Variants in RALA observed in about 807,000 individuals in gnomAD.
The protein encoded by RALA is RAS like proto-oncogene A.
RALA carries 5 observed loss-of-function variants against 24.0 expected under a neutral mutation model. That is an observed-to-expected ratio of 0.21 (90% CI 0.11 to 0.44). The LOEUF is 0.44. RALA is among the 20% of genes least tolerant of loss of function. RALA has a pLI of 0.99. For synonymous variants in RALA, 77 were observed against 83.8 expected (o/e 0.92, Z 0.44); for missense variants, 95 against 241.2 (o/e 0.39, Z 4.01).
rs1007232122 is a variant in RALA, at chr7:39,706,547, G to A, written c.*302G>A. 5 of 209,548 alleles carry A rather than the reference G, an allele frequency of 2.4e-5. No homozygotes were observed. Among genetic ancestry groups the A allele is most frequent in the African/African-American group, 1.2e-4 (5 of 43,010 alleles). The allele number at this position is 209,548 out of a possible 1,614,324, so 13.0% of individuals were successfully genotyped here. ...TCTTGAAATTGAAGAGGTGAAATGG[G>A]GGTGGGGAGTGGGAGGAAAGGTGAC... On this transcript the variant is annotated 3_prime_UTR_variant, in exon 5 of 5. Transcript: ENST00000005257.
intron 1 of RALA, among the ~76,000 whole-genome samples, chr7:39,633,995 G>A (rs1791643837): frequency 6.6e-6 from 1 of 151,860 alleles, no homozygotes; most frequent in Non-Finnish European, 1.5e-5. Context: ...AGGTCCCTGT[G>A]TGAACTCTCA....
chr7:39,682,478 C>T (rs974957362), intron 1 of RALA, among the ~76,000 whole-genome samples: 3 of 152,216 alleles, frequency 2.0e-5, no homozygotes, highest in Non-Finnish European at 4.4e-5. Flanking sequence ...CTTAAAAACT[C>T]CAGAGGCTTC....
rs762644471 is a variant in RALA at position 39,706,206 on chromosome 7, T to C, written c.582T>C (p.Ser194=). 1.2e-6 allele frequency: 2 copies of C among 1,609,908 alleles called. No individual in the cohort carries two copies. The highest frequency in any genetic ancestry group is 1.7e-6 in the Non-Finnish European group (2 of 1,179,146). The part of the protein sequence containing the change: ...KEKNGKKKRK[S]LAKRIRERCC... The stretch of plus-strand genomic sequence containing the variant: ...AGAATGGAAAAAAGAAGAGGAAAAG[T>C]TTAGCCAAGAGAATCAGAGAAAGAT... Residue 194 remains serine (S), a synonymous_variant, in exon 5 of 5, where the codon AGT becomes AGC. Transcript: ENST00000005257.
At chr7:39,695,874 T>C (rs1372669833) in intron 3 of RALA, among the ~76,000 whole-genome samples, 1 of 152,204 alleles carries the variant, frequency 6.6e-6, no homozygotes, top group Non-Finnish European at 1.5e-5. Context: ...TTTCCTTTTG[T>C]TTTTTGATTT....
intron 1 of RALA, among the ~76,000 whole-genome samples, chr7:39,637,515 T>G (rs914168657): frequency 2.3e-4 from 35 of 152,244 alleles, no homozygotes; most frequent in African/African-American, 8.4e-4. Context: ...TGTAAAGCTT[T>G]AAGTGGTTCA....
At chr7:39,682,204 G>A (rs1159129767) in intron 1 of RALA, among the ~76,000 whole-genome samples, 1 of 152,232 alleles carries the variant, frequency 6.6e-6, no homozygotes, top group Non-Finnish European at 1.5e-5. Flanking sequence ...AGTATGTGCA[G>A]AGTGCTCAGA....
Position 39,683,874 on chromosome 7 carries a change from A to C in RALA, c.-37-2757A>C, listed in dbSNP as rs528419943. Among the ~76,000 whole-genome samples the C allele has an allele frequency of 4.2e-5, 6 of 142,606 alleles. No individual in the cohort carries two copies. In the South Asian group the frequency reaches 9.4e-4, roughly 22 times the overall value. 93.6% of individuals were successfully genotyped at this position (142,606 alleles called of 152,430 possible). On this transcript the variant is annotated intron_variant, in intron 1 of 4. Coordinates refer to ENST00000005257, the MANE Select transcript of RALA (RefSeq NM_005402.4). Reference sequence around the variant, plus strand: ...ACACACACACACACACACACACACAACTCTTAGAGTATTAATTGATATGGT... The same window carrying C: ...ACACACACACACACACACACACACACCTCTTAGAGTATTAATTGATATGGT...
At chr7:39,685,871 C>A (rs567952745) in intron 1 of RALA, among the ~76,000 whole-genome samples, 2 of 152,240 alleles carry the variant, frequency 1.3e-5, no homozygotes, top group African/African-American at 4.8e-5. Flanking sequence ...GTAGTAAACA[C>A]ATTAGCAGTC....
At chr7:39,659,416 G>A (rs925074223) in intron 1 of RALA, among the ~76,000 whole-genome samples, 5 of 151,012 alleles carry the variant, frequency 3.3e-5, no homozygotes, top group African/African-American at 9.7e-5. Context: ...CCCCTAGTTT[G>A]TAACTTCACG....
chr7:39,648,554 G>A (rs1345529068), intron 1 of RALA, among the ~76,000 whole-genome samples: 1 of 152,102 alleles, frequency 6.6e-6, no homozygotes, highest in South Asian at 2.1e-4. Context: ...TGGATCTTAT[G>A]TTCTGCAGAG....
At chr7:39,650,062 G>A (rs1791994781) in intron 1 of RALA, among the ~76,000 whole-genome samples, 1 of 152,126 alleles carries the variant, frequency 6.6e-6, no homozygotes, top group African/African-American at 2.4e-5. Flanking sequence ...GAGAGTTTTT[G>A]TTTTATTTTT....
intron 3 of RALA, among the ~76,000 whole-genome samples, chr7:39,693,336 C>T (rs552039181): frequency 6.6e-6 from 1 of 151,918 alleles, no homozygotes; most frequent in Non-Finnish European, 1.5e-5. Flanking sequence ...CCAGACACTG[C>T]ATATTTTCAC....
chr7:39,695,324 A>C (rs1199703171), intron 3 of RALA, among the ~76,000 whole-genome samples: 1 of 152,126 alleles, frequency 6.6e-6, no homozygotes, highest in Non-Finnish European at 1.5e-5. Context: ...GATTACTTTT[A>C]ATAGCTAATA....
At chr7:39,661,837 G>A (rs1358946592) in intron 1 of RALA, among the ~76,000 whole-genome samples, 6 of 152,220 alleles carry the variant, frequency 3.9e-5, no homozygotes, top group Admixed American at 1.3e-4. Flanking sequence ...TTGTTGGGGG[G>A]CTTCAACCCC....
In RALA at chr7:39,663,812, G is replaced by A. The variant is rs538985771; in HGVS notation, c.-37-22819G>A. The stretch of plus-strand genomic sequence containing the variant: ...CTGTCCCTGGGTCTAACGAAAAAAA[G>A]CCATAGCTGTAGACTCCAATGTGAT... On this transcript the variant is annotated intron_variant, in intron 1 of 4. Transcript: ENST00000005257. 1.2e-3 allele frequency among the ~76,000 whole-genome samples: 183 copies of A among 152,248 alleles called. 1 individual carries two copies. The highest frequency in any genetic ancestry group is 4.1e-3 in the African/African-American group (170 of 41,530).
At chr7:39,678,158 C>T (rs1374807354) in intron 1 of RALA, among the ~76,000 whole-genome samples, 1 of 145,054 alleles carries the variant, frequency 6.9e-6, no homozygotes, top group Non-Finnish European at 1.5e-5. Flanking sequence ...CTAACCTGCA[C>T]AATGTGCACA....
intron 2 of RALA, among the ~76,000 whole-genome samples, chr7:39,687,342 G>GT (rs1360870336): frequency 6.6e-6 from 1 of 151,886 alleles, no homozygotes; most frequent in Non-Finnish European, 1.5e-5. Flanking sequence ...CAGGAGAATG[G>GT]TGTGAACCTG....
intron 1 of RALA, among the ~76,000 whole-genome samples, chr7:39,681,302 C>CTTTTTTTTTTTTTTTTTTTTTTTTTTTTT (rs70996832): frequency 2.0e-5 from 1 of 50,008 alleles, no homozygotes; most frequent in Non-Finnish European, 3.6e-5. Flanking sequence ...CACCCTATTC[C>CTTTTTTTTTTTTTTTTTTTTTTTTTTTTT]TTTTTTTTTT....
At chr7:39,652,758 G>A (rs1792038859) in intron 1 of RALA, among the ~76,000 whole-genome samples, 1 of 151,994 alleles carries the variant, frequency 6.6e-6, no homozygotes, top group South Asian at 2.1e-4. Flanking sequence ...TGATGTAGTT[G>A]AATTAATTAA....
Sources: allele counts gnomAD v4.1 joint callset (sites outside exome capture counted in the v4.1 genomes callset), GRCh38; gene constraint gnomAD v4.1.1; transcripts MANE v1.5; gene names NCBI Gene and HGNC (gene_info 2026-07-23, HGNC 2026-07-21).